PRUNE2: variants seen among roughly 807,000 people sequenced by gnomAD.
PRUNE2 encodes protein prune homolog 2.
A neutral mutation model predicts 252.0 loss-of-function variants in PRUNE2; 164 were observed. The observed-to-expected ratio is 0.65, with a 90% CI of 0.57 to 0.74. The LOEUF (loss-of-function observed/expected upper bound fraction) is 0.74, where lower values mean the gene tolerates loss of function less well. PRUNE2 is among the 30% of genes least tolerant of loss of function. PRUNE2 has a pLI of 0.00. For missense variants in PRUNE2, 3,495 were observed against 3,711.0 expected (o/e 0.94, Z 1.51); for synonymous variants, 1,292 against 1,350.2 (o/e 0.96, Z 0.94).
chr9:76,737,819 T>G (rs1416585442), intron 6 of PRUNE2: 1 of 152,248 alleles, frequency 6.6e-6, no homozygotes, highest in Non-Finnish European at 1.5e-5. Flanking sequence ...GTGATTCAAT[T>G]CAACAATATC....
At chr9:76,750,844 G>A (rs1042681086) in intron 6 of PRUNE2, among the ~76,000 whole-genome samples, 3 of 152,138 alleles carry the variant, frequency 2.0e-5, no homozygotes, top group Non-Finnish European at 4.4e-5. Context: ...ATCAATGAAA[G>A]GTCAGGCTTA....
chr9:76,703,276 T>C (rs2046042524), intron 9 of PRUNE2, 61 bp downstream of exon 9: 9 of 1,450,830 alleles, frequency 6.2e-6, no homozygotes, highest in African/African-American at 4.2e-5. Context: ...CTCTAACCAT[T>C]TCCCAGGTTT....
At chr9:76,640,296 T>A (rs561377074) in intron 12 of PRUNE2, among the ~76,000 whole-genome samples, 8 of 152,250 alleles carry the variant, frequency 5.3e-5, no homozygotes, top group African/African-American at 1.7e-4. Flanking sequence ...TGAAAAGCAG[T>A]TTAATAAGAT....
intron 6 of PRUNE2, chr9:76,748,781 G>T (rs1443187683): frequency 6.6e-6 from 1 of 152,370 alleles, no homozygotes; most frequent in Non-Finnish European, 1.5e-5. Context: ...TCAGGTGGAT[G>T]GAATAGTGGC....
At position 76,707,116 on chromosome 9, in the gene PRUNE2, A is replaced by G. The variant is rs1375795176; in HGVS notation, c.5158T>C (p.Leu1720=). The G allele has an allele frequency of 5.6e-6, 9 of 1,613,852 alleles. No homozygotes were observed. The South Asian group carries it at 6.6e-5, about 12-fold the overall frequency. The change falls in exon 8 of 19, where the codon TTG becomes CTG. Residue 1720 remains leucine (L), a synonymous_variant. Coordinates refer to ENST00000376718, the MANE Select transcript of PRUNE2 (RefSeq NM_015225.3). ...ACCAAGAACTTATTAGATTCATTCA[A>G]TGAATCCCAAGCTCTGGATTCATCC... ...AEDESRAWDS[L]NESNKFLVTA...
At chr9:76,668,182 A>C (rs2040565020) in intron 9 of PRUNE2, among the ~76,000 whole-genome samples, 1 of 152,238 alleles carries the variant, frequency 6.6e-6, no homozygotes, top group South Asian at 2.1e-4. Flanking sequence ...TTCTAAGAAT[A>C]TATAGTGCAG....
rs1184379995 is a variant in PRUNE2, at chr9:76,905,976, G to C, written c.-13C>G. Reference sequence around the variant, plus strand: ...AAAATTCTTCCATGTCGTGGCTAGGGGTTTGGAACCCGGGTACTCGGAGGG... The same window carrying C: ...AAAATTCTTCCATGTCGTGGCTAGGCGTTTGGAACCCGGGTACTCGGAGGG... On this transcript the variant is annotated 5_prime_UTR_variant, in exon 1 of 19. Coordinates refer to ENST00000376718, the MANE Select transcript of PRUNE2 (RefSeq NM_015225.3). The C allele has an allele frequency of 1.2e-6, 2 of 1,614,102 alleles. No individual in the cohort carries two copies. Among genetic ancestry groups the C allele is most frequent in the Non-Finnish European group, 1.7e-6 (2 of 1,179,942 alleles).
chr9:76,905,832 T>G, intron 1 of PRUNE2, 96 bp downstream of exon 1: 2 of 1,498,310 alleles, frequency 1.3e-6, no homozygotes, highest in Non-Finnish European at 1.9e-6. Flanking sequence ...CGTGGCAAAG[T>G]TGTTTCTTCC....
chr9:76,621,582 T>A (rs1417688263), intron 17 of PRUNE2, among the ~76,000 whole-genome samples: 1 of 152,186 alleles, frequency 6.6e-6, no homozygotes, highest in Non-Finnish European at 1.5e-5. Flanking sequence ...AAAACAAATC[T>A]GATTATTTTT....
In PRUNE2 at chr9:76,704,880, T is replaced by C; in HGVS notation, c.7394A>G (p.Glu2465Gly). The C allele has an allele frequency of 2.5e-6, 4 of 1,608,110 alleles. No individual in the cohort carries two copies. Among genetic ancestry groups the C allele is most frequent in the Non-Finnish European group, 3.4e-6 (4 of 1,176,916 alleles). The change falls in exon 8 of 19, where the codon GAG becomes GGG. Residue 2465 changes from glutamate (E) to glycine (G), a missense_variant. By Grantham distance (98) the Glu-to-Gly change is moderately conservative (BLOSUM62 -2). Coordinates refer to ENST00000376718, the MANE Select transcript of PRUNE2 (RefSeq NM_015225.3). The stretch of plus-strand genomic sequence containing the variant: ...TGCTCCTACCGGCAAATAAACGGAC[T>C]CAGGGTCTTCACGAATATGCAGCAC... ...LAVLHIREDPESVYLPVGAGS... is the reference protein window; with the variant it reads ...LAVLHIREDPGSVYLPVGAGS...
At chr9:76,665,660 T>A (rs941500105) in intron 9 of PRUNE2, among the ~76,000 whole-genome samples, 6 of 152,148 alleles carry the variant, frequency 3.9e-5, no homozygotes, top group Non-Finnish European at 8.8e-5. Context: ...CAACACAGAT[T>A]TAGACACGTG....
At chr9:76,780,039 G>A (rs2054200899) in intron 6 of PRUNE2, 1 of 152,186 alleles carries the variant, frequency 6.6e-6, no homozygotes, top group African/African-American at 2.4e-5. Flanking sequence ...GATTTCATAT[G>A]TAGGAAAAAT....
In PRUNE2 at chr9:76,705,299, G is replaced by C. The variant is rs371965477; in HGVS notation, c.6975C>G (p.Ser2325=). The change falls in exon 8 of 19, where the codon TCC becomes TCG. Residue 2325 remains serine (S), a synonymous_variant. Coordinates refer to ENST00000376718, the MANE Select transcript of PRUNE2 (RefSeq NM_015225.3). ...TIDDMSKLTL[S]EGHPETPVDG... is the part of the protein sequence containing the mutation. ...CAACTGGCGTTTCCGGATGGCCTTC[G>C]GATAATGTCAGTTTACTCATGTCAT... 218 of 1,613,872 alleles carry C rather than the reference G, an allele frequency of 1.4e-4. No individual in the cohort carries two copies. The highest frequency in any genetic ancestry group is 1.7e-4 in the Non-Finnish European group (203 of 1,179,896).
chr9:76,696,468 CAGGCTGG>C (rs1385183943), intron 9 of PRUNE2, among the ~76,000 whole-genome samples: 1 of 152,102 alleles, frequency 6.6e-6, no homozygotes, highest in African/African-American at 2.4e-5. Context: ...GTTTGTTATC[CAGGCTGG>C]AGTGCAATGG....
At chr9:76,674,140 G>T (rs984402784) in intron 9 of PRUNE2, among the ~76,000 whole-genome samples, 2 of 151,670 alleles carry the variant, frequency 1.3e-5, no homozygotes, top group African/African-American at 4.8e-5. Context: ...CGACATGATT[G>T]TATATCTAGA....
At chr9:76,630,852 G>A (rs1027860639) in intron 15 of PRUNE2, among the ~76,000 whole-genome samples, 3 of 152,188 alleles carry the variant, frequency 2.0e-5, no homozygotes, top group Non-Finnish European at 2.9e-5. Flanking sequence ...TTGTGTAATG[G>A]CAAACTAATT....
At chr9:76,700,899 A>G (rs947480909) in intron 9 of PRUNE2, among the ~76,000 whole-genome samples, 3 of 152,246 alleles carry the variant, frequency 2.0e-5, no homozygotes, top group African/African-American at 7.2e-5. Flanking sequence ...CACCTGGTCC[A>G]ACAGCAAATA....
intron 11 of PRUNE2, among the ~76,000 whole-genome samples, chr9:76,647,947 C>A (rs572048598): frequency 6.6e-6 from 1 of 152,014 alleles, no homozygotes; most frequent in African/African-American, 2.4e-5. Flanking sequence ...GGCGACAGCA[C>A]GAGACTGTGT....
At chr9:76,865,837 A>T (rs984217514) in intron 1 of PRUNE2, among the ~76,000 whole-genome samples, 2 of 151,424 alleles carry the variant, frequency 1.3e-5, no homozygotes, top group Non-Finnish European at 2.9e-5. Flanking sequence ...ACACACACAC[A>T]CACACACACA....
Sources: allele counts gnomAD v4.1 joint callset (sites outside exome capture counted in the v4.1 genomes callset), GRCh38; gene constraint gnomAD v4.1.1; transcripts MANE v1.5; gene names NCBI Gene and HGNC (gene_info 2026-07-23, HGNC 2026-07-21).